Variants in PTPMT1 observed in about 807,000 individuals in gnomAD.
PTPMT1 encodes the protein phosphatidylglycerophosphatase and protein-tyrosine phosphatase 1.
In PTPMT1, 12 loss-of-function variants were observed where a neutral mutation model predicts 17.8. That is an observed-to-expected ratio of 0.67 (90% CI 0.43 to 1.09). The LOEUF (loss-of-function observed/expected upper bound fraction) is 1.09. Among genes scored for constraint, PTPMT1 ranks in the 50% least tolerant of loss-of-function variants. The pLI is 0.00. For synonymous variants in PTPMT1, 132 were observed against 116.8 expected (o/e 1.13, Z -0.84); for missense variants, 262 against 266.0 (o/e 0.99, Z 0.10).
At chr11:47,570,089 G>A (rs1282492331) in intron 3 of PTPMT1, among the ~76,000 whole-genome samples, 198 bp downstream of exon 3, 5 of 151,406 alleles carry the variant, frequency 3.3e-5, no homozygotes, top group African/African-American at 9.7e-5. Context: ...CTACTTGGGA[G>A]GCTGAGATGG....
At chr11:47,566,678 T>C (rs1267565103) in intron 2 of PTPMT1, among the ~76,000 whole-genome samples, 1 of 152,116 alleles carries the variant, frequency 6.6e-6, no homozygotes, top group Admixed American at 6.6e-5. Context: ...TTCCCAGTGT[T>C]AGGGATTCCA....
chr11:47,569,774 C>T lies in PTPMT1; in HGVS notation c.330C>T (p.Asn110=), dbSNP rs113950675. The T allele has an allele frequency of 1.7e-5, 27 of 1,614,074 alleles. No individual in the cohort carries two copies. In the African/African-American group the frequency reaches 1.7e-4, roughly 10 times the overall value. Residue 110 remains asparagine (N), a synonymous_variant, in exon 3 of 4, where the codon AAC becomes AAT. Coordinates refer to ENST00000326674, the MANE Select transcript of PTPMT1 (RefSeq NM_175732.3). ...TGACTGGGATCCCCACCTTGGACAA[C>T]CTCCAGAAGGGAGTCCAATTTGCTC... ...VDMTGIPTLD[N]LQKGVQFALK...
chr11:47,571,762 TTC>T lies in PTPMT1; in HGVS notation c.*137_*138del, dbSNP rs1407735466. On this transcript the variant is annotated 3_prime_UTR_variant, in exon 4 of 4. Coordinates refer to ENST00000326674, the MANE Select transcript of PTPMT1 (RefSeq NM_175732.3). ...CCAATAGGTAATAGGTAATTTTTCTTTCTCTGACTTGTTTTGTTTTCTTGAAA... is the reference window on the plus strand; with the variant it reads ...CCAATAGGTAATAGGTAATTTTTCTTTCTGACTTGTTTTGTTTTCTTGAAA... 2.5e-6 allele frequency: 2 copies of T among 790,088 alleles called. No homozygotes were observed. The highest frequency in any genetic ancestry group is 4.1e-6 in the Non-Finnish European group (2 of 485,110). 48.9% of individuals were successfully genotyped at this position (790,088 alleles called of 1,614,324 possible).
Position 47,572,679 on chromosome 11 carries a change from T to G in PTPMT1, c.*1050T>G, listed in dbSNP as rs1037204718. Reference sequence around the variant, plus strand: ...GAGAAAAGGCTTGCTCTAAGCAAGCTGTGGTGAGGCACAGGATGACTAGGG... The same window carrying G: ...GAGAAAAGGCTTGCTCTAAGCAAGCGGTGGTGAGGCACAGGATGACTAGGG... On this transcript the variant is annotated 3_prime_UTR_variant, in exon 4 of 4. Transcript: ENST00000326674. The G allele has an allele frequency of 5.7e-6, 3 of 529,574 alleles. No homozygotes were observed. Among genetic ancestry groups the G allele is most frequent in the African/African-American group, 3.8e-5 (2 of 52,816 alleles). The allele number at this position is 529,574 out of a possible 1,614,324, so 32.8% of individuals were successfully genotyped here. A position where few individuals can be genotyped will look rare whatever the true frequency, so the allele number is the denominator to read the frequency against.
In PTPMT1 at chr11:47,573,075, C is replaced by T; in HGVS notation, c.*1446C>T. 1 of 1,614,186 alleles carries T rather than the reference C, an allele frequency of 6.2e-7. No homozygotes were observed. The highest frequency in any genetic ancestry group is 8.5e-7 in the Non-Finnish European group (1 of 1,180,040). Reference sequence around the variant, plus strand: ...GAAGACATAGATGCTCCCGTTACAGCTGGCAATCTTCCAGAGGGATGGGGC... The same window carrying T: ...GAAGACATAGATGCTCCCGTTACAGTTGGCAATCTTCCAGAGGGATGGGGC... On this transcript the variant is annotated 3_prime_UTR_variant, in exon 4 of 4. Transcript: ENST00000326674. The surrounding 1 kb of genome is among the most constrained non-coding windows in gnomAD (Gnocchi z 4.1).
In PTPMT1 at chr11:47,571,688, T is replaced by TAACA. The variant is rs980921797; in HGVS notation, c.*60_*63dup. 1.3e-6 allele frequency: 2 copies of TAACA among 1,532,690 alleles called. No individual in the cohort carries two copies. The highest frequency in any genetic ancestry group is 2.8e-5 in the African/African-American group (2 of 72,470). The allele number at this position is 1,532,690 out of a possible 1,614,324, so 94.9% of individuals were successfully genotyped here. A position where few individuals can be genotyped will look rare whatever the true frequency, so the allele number is the denominator to read the frequency against. On this transcript the variant is annotated 3_prime_UTR_variant, in exon 4 of 4. Coordinates refer to ENST00000326674, the MANE Select transcript of PTPMT1 (RefSeq NM_175732.3). ...TGCTTGATACAGAACAAAAAGAGCT[T>TAACA]AACAGGACCAACAGGGCTTAAGCCC...
In PTPMT1 at chr11:47,569,684, G is replaced by A; in HGVS notation, c.256-16G>A. 1 of 1,586,312 alleles carries A rather than the reference G, an allele frequency of 6.3e-7. No homozygotes were observed. The highest frequency in any genetic ancestry group is 1.1e-5 in the South Asian group (1 of 87,920). On this transcript the variant is annotated splice_polypyrimidine_tract_variant and intron_variant, in intron 2 of 3. Transcript: ENST00000326674. ...TTTTTTCATTCTCTTTTTCATACTG[G>A]TGGACCTGGTTCCAGGAGTGGAAGA...
In PTPMT1 at chr11:47,571,466, T is replaced by G. The variant is rs184220283; in HGVS notation, c.448-5T>G. On this transcript the variant is annotated splice_polypyrimidine_tract_variant and splice_region_variant and intron_variant, in intron 3 of 3. Transcript: ENST00000326674. The stretch of plus-strand genomic sequence containing the variant: ...CTCTGCTGATTTCCCAACCCTGTAC[T>G]TCAGGTGCACAAATGGAGTCCAGAG... 32 of 1,613,648 alleles carry G rather than the reference T, an allele frequency of 2.0e-5. No individual in the cohort carries two copies. The East Asian group carries it at 7.1e-4, about 36-fold the overall frequency.
At chr11:47,566,939 A>C (rs1389153402) in intron 2 of PTPMT1, among the ~76,000 whole-genome samples, 2 of 152,168 alleles carry the variant, frequency 1.3e-5, no homozygotes, top group Non-Finnish European at 2.9e-5. Flanking sequence ...TTATTAGAAG[A>C]TGTTATCTAC....
Position 47,571,869 on chromosome 11 carries a change from ATCT to A in PTPMT1, c.*242_*244del, listed in dbSNP as rs1259726457. 11 of 413,542 alleles carry A rather than the reference ATCT, an allele frequency of 2.7e-5. No individual in the cohort carries two copies. Among genetic ancestry groups the A allele is most frequent in the African/African-American group, 2.2e-4 (11 of 48,972 alleles). 25.6% of individuals were successfully genotyped at this position (413,542 alleles called of 1,614,324 possible). On this transcript the variant is annotated 3_prime_UTR_variant, in exon 4 of 4. Coordinates refer to ENST00000326674, the MANE Select transcript of PTPMT1 (RefSeq NM_175732.3). ...GATACAGGACAGGGATGGGGCTATC[ATCT>A]TTTCTTGAATAGGGCTAAAGAAGTA...
At chr11:47,566,008 C>T in intron 2 of PTPMT1, 22 bp downstream of exon 2, 2 of 1,453,398 alleles carry the variant, frequency 1.4e-6, no homozygotes, top group South Asian at 1.3e-5. Context: ...GGCCGAGGGG[C>T]AGGCTCGGGG....
At position 47,565,720 on chromosome 11, in the gene PTPMT1, C is replaced by A; in HGVS notation, c.98C>A (p.Ala33Glu). 1.3e-6 allele frequency: 2 copies of A among 1,579,808 alleles called. No individual in the cohort carries two copies. The highest frequency in any genetic ancestry group is 1.8e-4 in the Middle Eastern group (1 of 5,642). Residue 33 changes from alanine (A) to glutamate (E), a missense_variant, in exon 1 of 4, where the codon GCG (alanine) becomes GAG (glutamate). By Grantham distance (107) the Ala-to-Glu change is moderately radical (BLOSUM62 -1). Coordinates refer to ENST00000326674, the MANE Select transcript of PTPMT1 (RefSeq NM_175732.3). ...TLFRGKVPGR[A>E]HRDWYHRIDP... is the part of the protein sequence containing the mutation. ...TTCCGCGGGAAGGTGCCGGGTCGGGCGCACCGGGACTGGTACCACCGCATC... is the reference window on the plus strand; with the variant it reads ...TTCCGCGGGAAGGTGCCGGGTCGGGAGCACCGGGACTGGTACCACCGCATC...
At chr11:47,571,026 A>G (rs1166093853) in intron 3 of PTPMT1, among the ~76,000 whole-genome samples, 1 of 152,180 alleles carries the variant, frequency 6.6e-6, no homozygotes, top group Admixed American at 6.5e-5. Flanking sequence ...AGGACATGTT[A>G]ACCCTCCTAT....
Position 47,565,767 on chromosome 11 carries a change from G to A in PTPMT1, c.145G>A (p.Ala49Thr), listed in dbSNP as rs1191958413. 2 of 1,594,062 alleles carry A rather than the reference G, an allele frequency of 1.3e-6. No homozygotes were observed. Among genetic ancestry groups the A allele is most frequent in the African/African-American group, 1.3e-5 (1 of 74,296 alleles). Residue 49 changes from alanine to threonine, a missense_variant, in exon 1 of 4, where the codon GCG becomes ACG. Coordinates refer to ENST00000326674, the MANE Select transcript of PTPMT1 (RefSeq NM_175732.3). ...CATCGACCCCACCGTGCTGCTGGGC[G>A]CGCTGCCGTTGCGGAGCTTGACGCG... ...HRIDPTVLLG[A>T]LPLRSLTRQL...
At position 47,573,301 on chromosome 11, in the gene PTPMT1, G is replaced by C; in HGVS notation, c.*1672G>C. On this transcript the variant is annotated 3_prime_UTR_variant, in exon 4 of 4. Coordinates refer to ENST00000326674, the MANE Select transcript of PTPMT1 (RefSeq NM_175732.3). This position sits in a 1 kb window ranked among gnomAD's most constrained non-coding sequence, Gnocchi z 4.1. ...TCAAAGCACTGGATGAGTCGGGAAGGTTTGGTAAAGAAGTCCAGATCATTC... is the reference window on the plus strand; with the variant it reads ...TCAAAGCACTGGATGAGTCGGGAAGCTTTGGTAAAGAAGTCCAGATCATTC... 6.2e-7 allele frequency: 1 copy of C among 1,614,194 alleles called. No homozygotes were observed. Among genetic ancestry groups the C allele is most frequent in the Non-Finnish European group, 8.5e-7 (1 of 1,180,042 alleles).
chr11:47,567,925 G>A (rs1241642880), intron 2 of PTPMT1, among the ~76,000 whole-genome samples: 1 of 151,696 alleles, frequency 6.6e-6, no homozygotes, highest in Non-Finnish European at 1.5e-5. Context: ...TTTTATTTTT[G>A]TTTTTGTTTT....
chr11:47,569,406 AAAG>A (rs1303597324), intron 2 of PTPMT1, among the ~76,000 whole-genome samples: 1 of 151,764 alleles, frequency 6.6e-6, no homozygotes, highest in African/African-American at 2.4e-5. Flanking sequence ...AAAAAAAAAA[AAAG>A]GAACACTTTA....
chr11:47,566,116 C>A, intron 2 of PTPMT1, 130 bp downstream of exon 2: 3 of 1,050,766 alleles, frequency 2.9e-6, no homozygotes, highest in South Asian at 1.8e-5. Flanking sequence ...AGCTGCTTTG[C>A]CTCCGGTCTG....
In PTPMT1 at chr11:47,571,564, G is replaced by C; in HGVS notation, c.541G>C (p.Glu181Gln). Reference protein sequence around the residue: ...IRPGQLDVLKEFHKQITARAT... With the variant: ...IRPGQLDVLKQFHKQITARAT... The stretch of plus-strand genomic sequence containing the variant: ...GCCTGGCCAGCTGGATGTTCTTAAA[G>C]AGTTCCACAAGCAGATTACTGCACG... Residue 181 changes from glutamate (E) to glutamine (Q), a missense_variant, in exon 4 of 4, where the codon GAG becomes CAG. Coordinates refer to ENST00000326674, the MANE Select transcript of PTPMT1 (RefSeq NM_175732.3). The C allele has an allele frequency of 6.2e-7, 1 of 1,614,004 alleles. No homozygotes were observed. The highest frequency in any genetic ancestry group is 8.5e-7 in the Non-Finnish European group (1 of 1,180,026).
Sources: allele counts gnomAD v4.1 joint callset (sites outside exome capture counted in the v4.1 genomes callset), GRCh38; gene constraint gnomAD v4.1.1; non-coding constraint Gnocchi (gnomAD v3.1); transcripts MANE v1.5; gene names NCBI Gene and HGNC (gene_info 2026-07-23, HGNC 2026-07-21).